Variants in DNAJC5B observed in about 807,000 individuals in gnomAD.
The protein encoded by DNAJC5B is dnaJ homolog subfamily C member 5B.
DNAJC5B carries 23 observed loss-of-function variants against 24.7 expected under a neutral mutation model. The ratio of observed to expected loss-of-function variants is 0.93; its 90% CI spans 0.67 to 1.32. DNAJC5B has a LOEUF of 1.32. Among genes scored for constraint, DNAJC5B ranks in the 40% most tolerant of loss-of-function variants. The pLI is 0.00. For synonymous variants in DNAJC5B, 101 were observed against 90.1 expected, an observed-to-expected ratio of 1.12 and a Z score of -0.68; for missense variants, 238 against 240.8, an observed-to-expected ratio of 0.99 and a Z score of 0.08.
At chr8:66,080,767 A>C (rs925420803) in intron 5 of DNAJC5B, among the ~76,000 whole-genome samples, 7 of 152,214 alleles carry the variant, frequency 4.6e-5, no homozygotes, top group African/African-American at 1.7e-4. Flanking sequence ...CGTTAGAAAG[A>C]AAATCATGAA....
chr8:66,031,144 T>G (rs374597146), intron 1 of DNAJC5B, among the ~76,000 whole-genome samples: 2 of 152,344 alleles, frequency 1.3e-5, no homozygotes, highest in African/African-American at 4.8e-5. Flanking sequence ...ATAGTACAAT[T>G]AATATGATTC....
At chr8:66,018,040 A>C (rs1805999924), upstream of DNAJC5B, among the ~76,000 whole-genome samples, 1 of 152,220 alleles carries the variant, frequency 6.6e-6, no homozygotes, top group Admixed American at 6.5e-5. Flanking sequence ...AATACTGTAC[A>C]TTCTGTACTA....
At chr8:66,054,447 G>T (rs915769809) in intron 3 of DNAJC5B, among the ~76,000 whole-genome samples, 4 of 152,010 alleles carry the variant, frequency 2.6e-5, no homozygotes, top group Non-Finnish European at 4.4e-5. Context: ...GTTTATTTTG[G>T]CATAAGGAAT....
intron 2 of DNAJC5B, among the ~76,000 whole-genome samples, chr8:66,047,338 T>C (rs1343083260): frequency 6.6e-6 from 1 of 152,208 alleles, no homozygotes; most frequent in Non-Finnish European, 1.5e-5. Flanking sequence ...TGTCTGCTCA[T>C]CCTCCTGAAT....
chr8:66,054,889 A>C (rs1806930930), intron 3 of DNAJC5B, among the ~76,000 whole-genome samples: 4 of 151,794 alleles, frequency 2.6e-5, no homozygotes, highest in Admixed American at 2.6e-4. Flanking sequence ...GGGGTAGGGG[A>C]GGTGGGAGGG....
chr8:66,016,750 G>C (rs528343756), upstream of DNAJC5B, among the ~76,000 whole-genome samples: 4 of 152,170 alleles, frequency 2.6e-5, no homozygotes, highest in Non-Finnish European at 5.9e-5. Flanking sequence ...ATGTGTTTCT[G>C]CAATTGTGAC....
intron 1 of DNAJC5B, among the ~76,000 whole-genome samples, chr8:66,029,343 A>G (rs778346777): frequency 2.0e-5 from 3 of 152,216 alleles, no homozygotes; most frequent in African/African-American, 7.2e-5. Flanking sequence ...AACAGTGTAT[A>G]GTAGTTAGTA....
upstream of DNAJC5B, among the ~76,000 whole-genome samples, chr8:66,020,592 CTCTG>C (rs1159144204): frequency 1.1e-4 from 15 of 136,202 alleles, no homozygotes; most frequent in South Asian, 2.5e-4. Flanking sequence ...GTAATCAATA[CTCTG>C]TGTGTGTGTG....
intron 5 of DNAJC5B, among the ~76,000 whole-genome samples, chr8:66,095,591 C>A (rs1003531544): frequency 1.5e-4 from 22 of 150,978 alleles, no homozygotes; most frequent in Non-Finnish European, 2.9e-5. Context: ...TCAGCCCTTC[C>A]TCTGTTCTTA....
At chr8:66,066,888 A>C (rs1342216898) in intron 3 of DNAJC5B, among the ~76,000 whole-genome samples, 1 of 152,220 alleles carries the variant, frequency 6.6e-6, no homozygotes, top group Non-Finnish European at 1.5e-5. Flanking sequence ...AAGAATAAAT[A>C]CATAAACAGA....
At chr8:66,054,432 T>C (rs943954635) in intron 3 of DNAJC5B, among the ~76,000 whole-genome samples, 1 of 152,230 alleles carries the variant, frequency 6.6e-6, no homozygotes, top group Non-Finnish European at 1.5e-5. Context: ...CTTGATCCAA[T>C]TGGAGTTTAT....
Position 66,098,298 on chromosome 8 carries a change from G to A in DNAJC5B, c.506-1639G>A, listed in dbSNP as rs140181649. On this transcript the variant is annotated intron_variant, in intron 5 of 5. Coordinates refer to ENST00000276570, the MANE Select transcript of DNAJC5B (RefSeq NM_033105.6). ...GCTCATTGCAACCTCTGCCTCCTGG[G>A]TTCAAGCAATTCTCCTTGCCTCAGC... Among the ~76,000 whole-genome samples the A allele has an allele frequency of 6.3e-3, 966 of 152,262 alleles. 6 individuals carry two copies. Among genetic ancestry groups the A allele is most frequent in the Non-Finnish European group, 8.2e-3 (559 of 68,022 alleles).
chr8:66,046,492 TG>T (rs1365522690), intron 2 of DNAJC5B, among the ~76,000 whole-genome samples: 1 of 152,212 alleles, frequency 6.6e-6, no homozygotes, highest in Non-Finnish European at 1.5e-5. Flanking sequence ...AATTGTAAAT[TG>T]TAAAGTATCT....
intron 1 of DNAJC5B, among the ~76,000 whole-genome samples, chr8:66,032,525 C>T (rs1192783716): frequency 6.6e-6 from 1 of 152,162 alleles, no homozygotes; most frequent in Non-Finnish European, 1.5e-5. Context: ...GTGACAGTGC[C>T]CCCATGAGGC....
intron 5 of DNAJC5B, among the ~76,000 whole-genome samples, chr8:66,087,929 T>G (rs1163969507): frequency 6.6e-6 from 1 of 152,184 alleles, no homozygotes; most frequent in Non-Finnish European, 1.5e-5. Flanking sequence ...CTTTCTAGGA[T>G]CTGGAGGATG....
chr8:66,095,700 A>T (rs1334824533), intron 5 of DNAJC5B, among the ~76,000 whole-genome samples: 1 of 137,952 alleles, frequency 7.2e-6, no homozygotes, highest in African/African-American at 2.5e-5. Context: ...CACACATACA[A>T]TGTTCTTATA....
chr8:66,023,250 A>G (rs1486436941), intron 1 of DNAJC5B, among the ~76,000 whole-genome samples: 1 of 152,214 alleles, frequency 6.6e-6, no homozygotes, highest in Non-Finnish European at 1.5e-5. Context: ...GAATGAATGT[A>G]TTGGTTCATA....
intron 1 of DNAJC5B, among the ~76,000 whole-genome samples, chr8:66,042,622 TCTC>T (rs941617803): frequency 1.5e-5 from 2 of 133,012 alleles, no homozygotes; most frequent in Admixed American, 7.7e-5. Flanking sequence ...TTCTTCTTCT[TCTC>T]CTTCTCCTTC....
chr8:66,089,787 G>A (rs1807806857), intron 5 of DNAJC5B, among the ~76,000 whole-genome samples: 5 of 152,118 alleles, frequency 3.3e-5, no homozygotes, highest in Admixed American at 3.3e-4. Flanking sequence ...ATAAAGGGGG[G>A]AAGTTCAAAC....
Sources: gnomAD v4.1 joint callset for allele counts (sites outside exome capture counted in the v4.1 genomes callset) on GRCh38, gnomAD v4.1.1 for gene constraint, MANE v1.5 for transcripts, NCBI Gene and HGNC (gene_info 2026-07-23, HGNC 2026-07-21) for gene names.